The following LYPD3 variants were observed in gnomAD, a reference collection of about 807,000 sequenced individuals.
LYPD3 encodes the protein ly6/PLAUR domain-containing protein 3.
LYPD3 carries 22 observed loss-of-function variants against 21.7 expected under a neutral mutation model. That is an observed-to-expected ratio of 1.01 (90% CI 0.72 to 1.45). The LOEUF is 1.45. LYPD3 is among the 40% of genes most tolerant of loss of function. The probability of loss-of-function intolerance (pLI) is 0.00; values close to 1 mark genes in which losing one functional copy is unlikely to be tolerated. For missense variants in LYPD3, 471 were observed against 466.9 expected (o/e 1.01, Z -0.08); for synonymous variants, 179 against 203.0 (o/e 0.88, Z 1.00).
rs1489164969 is a variant in LYPD3 at position 43,461,857 on chromosome 19, G to GGA, written c.545-12_545-11dup. On this transcript the variant is annotated splice_polypyrimidine_tract_variant and intron_variant, in intron 4 of 4. Transcript: ENST00000244333. ...GACACAGTCACATTAGCTGCAGGAA[G>GGA]GAGACACAGATAGGTCAGTGGCTGG... is the stretch of plus-strand genomic sequence containing the variant. 2.5e-6 allele frequency: 4 copies of GGA among 1,600,446 alleles called. No individual in the cohort carries two copies. In the African/African-American group the frequency reaches 4.0e-5, roughly 16 times the overall value.
chr19:43,464,631 G>T (rs1970806556), intron 1 of LYPD3, among the ~76,000 whole-genome samples, 175 bp from the exon 2 acceptor site: 1 of 152,196 alleles, frequency 6.6e-6, no homozygotes, highest in African/African-American at 2.4e-5. Context: ...GGGAATCACT[G>T]GACCCTTTTC....
At position 43,461,617 on chromosome 19, in the gene LYPD3, T is replaced by C. The variant is rs770696974; in HGVS notation, c.775A>G (p.Thr259Ala). The change falls in exon 5 of 5, where the codon ACC (threonine) becomes GCC (alanine). Residue 259 changes from threonine to alanine, a missense_variant. Thr to Ala is a moderately conservative substitution (Grantham distance 58). Transcript: ENST00000244333. ...GATGTGGGTCTCACTGGGGCCGAGG[T>C]AGAAGTGGTGACAGATGTGGTTGAG... ...VASTTSVTTS[T>A]SAPVRPTSTT... 2.5e-6 allele frequency: 4 copies of C among 1,613,638 alleles called. No individual in the cohort carries two copies. The highest frequency in any genetic ancestry group is 1.7e-5 in the Admixed American group (1 of 59,954).
At position 43,463,728 on chromosome 19, in the gene LYPD3, C is replaced by G. The variant is rs765578733; in HGVS notation, c.253G>C (p.Gly85Arg). The G allele has an allele frequency of 6.2e-7, 1 of 1,613,228 alleles. No homozygotes were observed. Among genetic ancestry groups the G allele is most frequent in the African/African-American group, 1.3e-5 (1 of 74,936 alleles). The change falls in exon 3 of 5, where the codon GGA becomes CGA. Residue 85 changes from glycine to arginine, a missense_variant. By Grantham distance (125) the Gly-to-Arg change is moderately radical. Coordinates refer to ENST00000244333, the MANE Select transcript of LYPD3 (RefSeq NM_014400.3). ...CCGCGGTCATTCTTGCCGGGGAGTC[C>G]CGAACCGCAACCCCGCACTGCCAGC... Reference protein sequence around the residue: ...FSLAVRGCGSGLPGKNDRGLD... With the variant: ...FSLAVRGCGSRLPGKNDRGLD...
rs528976583 is a variant in LYPD3, at chr19:43,464,002, C to T, written c.212-233G>A. On this transcript the variant is annotated intron_variant, in intron 2 of 4. Transcript: ENST00000244333. Reference sequence around the variant, plus strand: ...GGGGCGGAACCTCAAAGAGCTGAGTCGGAGGAGACAGCCTGGTTGACAGGC... The same window carrying T: ...GGGGCGGAACCTCAAAGAGCTGAGTTGGAGGAGACAGCCTGGTTGACAGGC... The T allele has an allele frequency of 1.1e-4, 68 of 618,434 alleles. No individual in the cohort carries two copies. The South Asian group carries it at 1.3e-3, about 12-fold the overall frequency. The allele number at this position is 618,434 out of a possible 1,614,324, so 38.3% of individuals were successfully genotyped here.
rs1416732959 is a variant in LYPD3, at chr19:43,460,819, C to G, written c.*532G>C. On this transcript the variant is annotated 3_prime_UTR_variant, in exon 5 of 5. Coordinates refer to ENST00000244333, the MANE Select transcript of LYPD3 (RefSeq NM_014400.3). The stretch of plus-strand genomic sequence containing the variant: ...CAAAGTAATTAAATCTTTATTGAGG[C>G]ATTTATGTGCCAGAAACTGATCACA... 3 of 158,868 alleles carry G rather than the reference C, an allele frequency of 1.9e-5. No homozygotes were observed. Among genetic ancestry groups the G allele is most frequent in the Non-Finnish European group, 4.2e-5 (3 of 72,120 alleles). 9.8% of individuals were successfully genotyped at this position (158,868 alleles called of 1,614,324 possible).
chr19:43,463,164 T>C lies in LYPD3; in HGVS notation c.506A>G (p.Tyr169Cys). ...GACGTTGCCGTCGAAGCAGCCCTTG[T>C]AGACATGATCGCTGGCGTTGTAGCA... ...VSCYNASDHV[Y>C]KGCFDGNVTL... is the part of the protein sequence containing the mutation. Residue 169 changes from tyrosine to cysteine, a missense_variant, in exon 4 of 5, where the codon TAC becomes TGC. Tyr to Cys is a radical substitution (Grantham distance 194). Coordinates refer to ENST00000244333, the MANE Select transcript of LYPD3 (RefSeq NM_014400.3). The C allele has an allele frequency of 3.7e-6, 6 of 1,612,394 alleles. No individual in the cohort carries two copies. The South Asian group carries it at 6.6e-5, about 18-fold the overall frequency.
intron 3 of LYPD3, 91 bp from the exon 4 acceptor site, chr19:43,463,378 G>A (rs926970050): frequency 6.8e-7 from 1 of 1,479,028 alleles, no homozygotes; most frequent in Admixed American, 1.9e-5. Flanking sequence ...CCTGGCCCCG[G>A]CACTATCGAT....
Position 43,464,353 on chromosome 19 carries a change from G to A in LYPD3, c.183C>T (p.Cys61=), listed in dbSNP as rs1170850025. ...TVKCAPGVDV[C]TEAVGAVETI... ...TCTCCACCGCCCCCACGGCCTCGGTGCAGACGTCCACGCCCGGCGCGCACT... is the reference window on the plus strand; with the variant it reads ...TCTCCACCGCCCCCACGGCCTCGGTACAGACGTCCACGCCCGGCGCGCACT... Residue 61 remains cysteine (C), a synonymous_variant, in exon 2 of 5, where the codon TGC becomes TGT. Transcript: ENST00000244333. The A allele has an allele frequency of 3.1e-6, 5 of 1,612,832 alleles. No individual in the cohort carries two copies. Among genetic ancestry groups the A allele is most frequent in the Non-Finnish European group, 4.2e-6 (5 of 1,179,652 alleles).
Position 43,461,277 on chromosome 19 carries a change from A to T in LYPD3, c.*74T>A. 1 of 1,458,838 alleles carries T rather than the reference A, an allele frequency of 6.9e-7. No individual in the cohort carries two copies. Among genetic ancestry groups the T allele is most frequent in the Non-Finnish European group, 9.1e-7 (1 of 1,095,670 alleles). The allele number at this position is 1,458,838 out of a possible 1,614,324, so 90.4% of individuals were successfully genotyped here. On this transcript the variant is annotated 3_prime_UTR_variant, in exon 5 of 5. Coordinates refer to ENST00000244333, the MANE Select transcript of LYPD3 (RefSeq NM_014400.3). ...TGGGCCAGCCCAGTCCAGTGGTGGGAACAGGAAGTGATGAGAAGAGGGGTA... is the reference window on the plus strand; with the variant it reads ...TGGGCCAGCCCAGTCCAGTGGTGGGTACAGGAAGTGATGAGAAGAGGGGTA...
At chr19:43,464,930 T>TC (rs1555751153) in intron 1 of LYPD3, among the ~76,000 whole-genome samples, 2 of 82,234 alleles carry the variant, frequency 2.4e-5, no homozygotes, top group African/African-American at 7.5e-5. Flanking sequence ...TTTTTTCTTT[T>TC]TTTCTTTTTT....
In LYPD3 at chr19:43,463,679, G is replaced by C; in HGVS notation, c.302C>G (p.Ala101Gly). 1.9e-6 allele frequency: 3 copies of C among 1,611,232 alleles called. No homozygotes were observed. Among genetic ancestry groups the C allele is most frequent in the Non-Finnish European group, 2.5e-6 (3 of 1,180,014 alleles). The change falls in exon 3 of 5, where the codon GCG becomes GGG. Residue 101 changes from alanine (A) to glycine (G), a missense_variant. By Grantham distance (60) the Ala-to-Gly change is moderately conservative (BLOSUM62 0). Coordinates refer to ENST00000244333, the MANE Select transcript of LYPD3 (RefSeq NM_014400.3). ...AGCGCATTGCTGCAGCTGGATGAAC[G>C]CCAGAAGCCCGTGAAGATCCAGGCC... ...DRGLDLHGLL[A>G]FIQLQQCAQD... is the part of the protein sequence containing the mutation.
At chr19:43,464,952 A>C (rs1386345343) in intron 1 of LYPD3, among the ~76,000 whole-genome samples, 1 of 86,880 alleles carries the variant, frequency 1.2e-5, no homozygotes, top group Admixed American at 1.2e-4. Context: ...TTTTTTTGAG[A>C]CGGAGTCTCG....
In LYPD3 at chr19:43,465,604, G is replaced by A; in HGVS notation, c.-33C>T. 1 of 1,599,760 alleles carries A rather than the reference G, an allele frequency of 6.3e-7. No homozygotes were observed. The highest frequency in any genetic ancestry group is 1.1e-5 in the South Asian group (1 of 90,716). ...TCCTGCTCCCTTGGCGTCCCCCCTG[G>A]ATGTGCCGCCTCCGAGCTCGGGCCC... On this transcript the variant is annotated 5_prime_UTR_variant, in exon 1 of 5. Transcript: ENST00000244333.
rs756660451 is a variant in LYPD3, at chr19:43,463,337, C to A, written c.383-50G>T. ...AAAGGTGTCGAAAGGGTTCGGGAAC[C>A]GCAGCTCGTCCTCTAGCCCCGCCCC... On this transcript the variant is annotated intron_variant, in intron 3 of 4. Transcript: ENST00000244333. 5 of 1,585,220 alleles carry A rather than the reference C, an allele frequency of 3.2e-6. No individual in the cohort carries two copies. In the South Asian group the frequency reaches 5.5e-5, roughly 18 times the overall value.
In LYPD3 at chr19:43,461,328, G is replaced by A; in HGVS notation, c.*23C>T. On this transcript the variant is annotated 3_prime_UTR_variant, in exon 5 of 5. Transcript: ENST00000244333. Reference sequence around the variant, plus strand: ...CCCAGGGCCAGAGAAGTAGGTGAGAGGGAAATTTCCAGGTGGAGAAGCTCA... The same window carrying A: ...CCCAGGGCCAGAGAAGTAGGTGAGAAGGAAATTTCCAGGTGGAGAAGCTCA... 6.4e-7 allele frequency: 1 copy of A among 1,566,176 alleles called. No homozygotes were observed. Among genetic ancestry groups the A allele is most frequent in the Non-Finnish European group, 8.7e-7 (1 of 1,154,314 alleles).
At position 43,465,529 on chromosome 19, in the gene LYPD3, T is replaced by C. The variant is rs1427097713; in HGVS notation, c.43A>G (p.Thr15Ala). ...RKAGAQAMIW[T>A]AGWLLLLLLR... is the part of the protein sequence containing the mutation. ...AGCAGCAGCAGCAGCCAGCCTGCAGTCCAGATCATGGCCTGGGCACCTGCT... is the reference window on the plus strand; with the variant it reads ...AGCAGCAGCAGCAGCCAGCCTGCAGCCCAGATCATGGCCTGGGCACCTGCT... The change falls in exon 1 of 5, where the codon ACT (threonine) becomes GCT (alanine). Residue 15 changes from threonine (T) to alanine (A), a missense_variant. Thr to Ala is a moderately conservative substitution (Grantham distance 58, BLOSUM62 0). Transcript: ENST00000244333. 1 of 1,610,594 alleles carries C rather than the reference T, an allele frequency of 6.2e-7. No homozygotes were observed. Among genetic ancestry groups the C allele is most frequent in the Non-Finnish European group, 8.5e-7 (1 of 1,179,982 alleles).
In LYPD3 at chr19:43,463,210, T is replaced by C. The variant is rs778543304; in HGVS notation, c.460A>G (p.Thr154Ala). The C allele has an allele frequency of 5.6e-6, 9 of 1,609,908 alleles. No homozygotes were observed. The change falls in exon 4 of 5, where the codon ACA becomes GCA. Residue 154 changes from threonine to alanine, a missense_variant. By Grantham distance (58) the Thr-to-Ala change is moderately conservative. Coordinates refer to ENST00000244333, the MANE Select transcript of LYPD3 (RefSeq NM_014400.3). Reference protein sequence around the residue: ...VGLSREACQGTSPPVVSCYNA... With the variant: ...VGLSREACQGASPPVVSCYNA... ...TAGCAGCTCACGACCGGCGGCGATG[T>C]ACCCTGGCACGCCTCCCGGCTCAGG... is the stretch of plus-strand genomic sequence containing the variant.
At chr19:43,462,354 C>G (rs2682581) in intron 4 of LYPD3, among the ~76,000 whole-genome samples, 83,773 of 151,942 alleles carry the variant, frequency 0.55, 23,765 homozygotes, top group African/African-American at 0.69. Flanking sequence ...TCAGAATTTA[C>G]TCTTAGAGTC....
Position 43,464,403 on chromosome 19 carries a change from A to G in LYPD3, c.133T>C (p.Ser45Pro). ...SCVQKADDGC[S>P]PNKMKTVKCA... ...TTCACTGTCTTCATCTTGTTCGGGG[A>G]GCATCCGTCATCTGCTTTCTGCACG... The change falls in exon 2 of 5, where the codon TCC becomes CCC. Residue 45 changes from serine to proline, a missense_variant. Physicochemically the swap from Ser to Pro is moderately conservative, Grantham distance 74. Coordinates refer to ENST00000244333, the MANE Select transcript of LYPD3 (RefSeq NM_014400.3). 1 of 1,613,892 alleles carries G rather than the reference A, an allele frequency of 6.2e-7. No individual in the cohort carries two copies. Among genetic ancestry groups the G allele is most frequent in the Non-Finnish European group, 8.5e-7 (1 of 1,179,966 alleles).
Sources: allele counts gnomAD v4.1 joint callset (sites outside exome capture counted in the v4.1 genomes callset), GRCh38; gene constraint gnomAD v4.1.1; transcripts MANE v1.5; gene names NCBI Gene and HGNC (gene_info 2026-07-23, HGNC 2026-07-21).